The following SAE1 variants were observed in gnomAD, a reference collection of about 807,000 sequenced individuals.
The protein encoded by SAE1 is SUMO1 activating enzyme subunit 1, also known as SUMO-activating enzyme subunit 1.
In SAE1, 11 loss-of-function variants were observed where a neutral mutation model predicts 40.6. That is an observed-to-expected ratio of 0.27 (90% CI 0.17 to 0.45). SAE1 has a LOEUF of 0.45. Ranked by LOEUF, SAE1 falls within the 20% of genes least tolerant of loss-of-function variation. The pLI is 1.00. For missense variants in SAE1, 373 were observed against 427.3 expected (o/e 0.87, Z 1.12); for synonymous variants, 155 against 154.3 (o/e 1.00, Z -0.03).
chr19:47,130,925 G>A lies in SAE1; in HGVS notation c.-6G>A. 1 of 1,549,512 alleles carries A rather than the reference G, an allele frequency of 6.5e-7. No homozygotes were observed. The highest frequency in any genetic ancestry group is 8.7e-7 in the Non-Finnish European group (1 of 1,146,544). On this transcript the variant is annotated 5_prime_UTR_variant, in exon 1 of 9. Transcript: ENST00000270225. ...GACCGGAGCTGAGGCAGGAAGAGCC[G>A]GCGCCATGGTGGAGAAGGAGGAGGC...
intron 6 of SAE1, among the ~76,000 whole-genome samples, chr19:47,177,969 G>A (rs1046922003): frequency 6.6e-6 from 1 of 152,066 alleles, no homozygotes; most frequent in African/African-American, 2.4e-5. Context: ...CTGGCCAGGC[G>A]CGGTGGCTCA....
At chr19:47,181,273 G>T (rs867280574) in intron 6 of SAE1, among the ~76,000 whole-genome samples, 1 of 151,744 alleles carries the variant, frequency 6.6e-6, no homozygotes, top group African/African-American at 2.4e-5. Flanking sequence ...CCGAGATCGC[G>T]CCATTGCACT....
At chr19:47,204,191 T>G (rs1460171407) in intron 8 of SAE1, among the ~76,000 whole-genome samples, 1 of 126,744 alleles carries the variant, frequency 7.9e-6, no homozygotes, top group Non-Finnish European at 1.7e-5. Flanking sequence ...CCCTCCCTTT[T>G]TTTTTTTTTT....
At chr19:47,161,435 C>T (rs2123232398) in intron 5 of SAE1, among the ~76,000 whole-genome samples, 2 of 152,242 alleles carry the variant, frequency 1.3e-5, no homozygotes, top group Middle Eastern at 6.8e-3. Context: ...TTGTACCAAT[C>T]TGTATGCTGT....
chr19:47,141,111 C>G (rs1226482047), intron 1 of SAE1, among the ~76,000 whole-genome samples: 41 of 152,106 alleles, frequency 2.7e-4, no homozygotes, highest in Non-Finnish European at 1.5e-5. Context: ...GAGTGATTCT[C>G]CTGCCTCACT....
At chr19:47,139,811 C>T (rs531453065) in intron 1 of SAE1, among the ~76,000 whole-genome samples, 1 of 147,102 alleles carries the variant, frequency 6.8e-6, no homozygotes, top group East Asian at 2.0e-4. Flanking sequence ...CCATGTTAGC[C>T]AGGATGATCT....
intron 6 of SAE1, among the ~76,000 whole-genome samples, chr19:47,175,368 C>T (rs1237998716): frequency 1.3e-5 from 2 of 152,168 alleles, no homozygotes; most frequent in African/African-American, 2.4e-5. Context: ...AAGTCATATC[C>T]GTGGTTTTAT....
In SAE1 at chr19:47,130,847, C is replaced by A. The variant is rs1215178593; in HGVS notation, c.-84C>A. The A allele has an allele frequency of 3.1e-5, 48 of 1,540,502 alleles. 1 individual carries two copies. Among genetic ancestry groups the A allele is most frequent in the South Asian group, 7.2e-5 (6 of 82,870 alleles). On this transcript the variant is annotated 5_prime_UTR_variant, in exon 1 of 9. It adds an upstream start codon to the 5' untranslated region. Transcript: ENST00000270225. The stretch of plus-strand genomic sequence containing the variant: ...CATGCGCAGAAGCACTCCGGGCGTG[C>A]TGCCGGCGGCGGTAGGTGGCGCGCG...
At chr19:47,139,912 A>ATT (rs2058208342) in intron 1 of SAE1, among the ~76,000 whole-genome samples, 1 of 141,904 alleles carries the variant, frequency 7.0e-6, no homozygotes, top group South Asian at 2.3e-4. Flanking sequence ...AATGTGTATC[A>ATT]TTTTTGTGCC....
intron 6 of SAE1, among the ~76,000 whole-genome samples, chr19:47,173,006 T>G (rs2058444575): frequency 6.6e-6 from 1 of 152,116 alleles, no homozygotes; most frequent in Non-Finnish European, 1.5e-5. Context: ...AAGCCAGGTC[T>G]GTTTTGATTC....
chr19:47,176,987 A>G (rs1265428393), intron 6 of SAE1, among the ~76,000 whole-genome samples: 2 of 152,218 alleles, frequency 1.3e-5, no homozygotes, highest in Non-Finnish European at 2.9e-5. Flanking sequence ...TGGAAACAGC[A>G]TTCACTTACC....
At chr19:47,177,999 T>C (rs1372372001) in intron 6 of SAE1, among the ~76,000 whole-genome samples, 1 of 152,002 alleles carries the variant, frequency 6.6e-6, no homozygotes, top group Admixed American at 6.6e-5. Flanking sequence ...TCCCAGCACT[T>C]TGAGAGACTG....
intron 8 of SAE1, among the ~76,000 whole-genome samples, chr19:47,205,444 G>A (rs2058681254): frequency 6.6e-6 from 1 of 151,592 alleles, no homozygotes; most frequent in Admixed American, 6.6e-5. Flanking sequence ...GGGAAGAAAA[G>A]TGTGCAATGG....
chr19:47,179,472 A>T (rs1229557466), intron 6 of SAE1, among the ~76,000 whole-genome samples: 1 of 151,030 alleles, frequency 6.6e-6, no homozygotes, highest in Non-Finnish European at 1.5e-5. Context: ...GCTCCATTGC[A>T]CTCCAGCCTG....
intron 1 of SAE1, among the ~76,000 whole-genome samples, chr19:47,131,551 A>C (rs1227659911): frequency 1.3e-5 from 2 of 151,896 alleles, no homozygotes; most frequent in African/African-American, 2.4e-5. Context: ...GGAGCAAGTT[A>C]TCTCAAATGG....
intron 5 of SAE1, among the ~76,000 whole-genome samples, chr19:47,162,446 T>C (rs2058364417): frequency 6.6e-6 from 1 of 152,226 alleles, no homozygotes; most frequent in Non-Finnish European, 1.5e-5. Flanking sequence ...ATTTATATTC[T>C]AGAACCAACA....
chr19:47,179,222 C>G (rs1444005371), intron 6 of SAE1, among the ~76,000 whole-genome samples: 1 of 150,086 alleles, frequency 6.7e-6, no homozygotes, highest in Non-Finnish European at 1.5e-5. Flanking sequence ...AGAAAAATCT[C>G]TAGCCGGTCG....
At chr19:47,149,163 CTTT>C (rs958403274) in intron 2 of SAE1, among the ~76,000 whole-genome samples, 5 of 86,480 alleles carry the variant, frequency 5.8e-5, no homozygotes, top group African/African-American at 1.9e-4. Context: ...CACTGGTCTA[CTTT>C]TTTTTTTTTT....
chr19:47,140,119 C>G (rs1044527697), intron 1 of SAE1, among the ~76,000 whole-genome samples: 4 of 131,054 alleles, frequency 3.1e-5, no homozygotes, highest in African/African-American at 1.2e-4. Flanking sequence ...TTTTTTTTTT[C>G]TTTTTGAAAC....
Sources: allele counts gnomAD v4.1 joint callset (sites outside exome capture counted in the v4.1 genomes callset), GRCh38; gene constraint gnomAD v4.1.1; transcripts MANE v1.5; gene names NCBI Gene and HGNC (gene_info 2026-07-23, HGNC 2026-07-21).